Variants in CCDC60 observed in about 807,000 individuals in gnomAD.
CCDC60 encodes coiled-coil domain-containing protein 60.
Under a neutral mutation model 63.5 loss-of-function variants are expected in CCDC60, and 54 were observed. That is an observed-to-expected ratio of 0.85 (90% CI 0.68 to 1.07). The LOEUF (loss-of-function observed/expected upper bound fraction) is 1.07. CCDC60 is among the 50% of genes least tolerant of loss of function. The pLI is 0.00. For synonymous variants in CCDC60, 206 were observed against 238.8 expected, an observed-to-expected ratio of 0.86 and a Z score of 1.27; for missense variants, 651 against 684.3, an observed-to-expected ratio of 0.95 and a Z score of 0.54.
rs147287705 is a variant in CCDC60, at chr12:119,368,844, T to C, written c.90+33578T>C. The stretch of plus-strand genomic sequence containing the variant: ...CACTTAGTCGCCACTTTATCTGTAA[T>C]ACCCCAAATTTAATTGGTGCTAATT... On this transcript the variant is annotated intron_variant, in intron 1 of 13. Coordinates refer to ENST00000327554, the MANE Select transcript of CCDC60 (RefSeq NM_178499.5). Among the ~76,000 whole-genome samples the C allele has an allele frequency of 9.8e-4, 149 of 152,372 alleles. 1 individual carries two copies. The highest frequency in any genetic ancestry group is 3.4e-3 in the African/African-American group (141 of 41,598).
At chr12:119,472,238 TC>T in intron 3 of CCDC60, 74 bp downstream of exon 3, 1 of 1,412,786 alleles carries the variant, frequency 7.1e-7, no homozygotes, top group Non-Finnish European at 9.8e-7. Flanking sequence ...CCTGGTAAGG[TC>T]AAGCGAGGGC....
chr12:119,503,838 G>A (rs1951920432), intron 6 of CCDC60, among the ~76,000 whole-genome samples: 1 of 152,188 alleles, frequency 6.6e-6, no homozygotes, highest in Non-Finnish European at 1.5e-5. Context: ...TTAAATGTTG[G>A]TGTGGTCTTC....
intron 4 of CCDC60, 44 bp from the exon 5 acceptor site, chr12:119,488,715 G>A: frequency 6.4e-7 from 1 of 1,556,268 alleles, no homozygotes; most frequent in Non-Finnish European, 8.9e-7. Context: ...GAAGAAAGTT[G>A]TTCTAACAGG....
At position 119,505,251 on chromosome 12, in the gene CCDC60, T is replaced by G. The variant is rs1173402041; in HGVS notation, c.831T>G (p.Ile277Met). 1.9e-6 allele frequency: 3 copies of G among 1,613,194 alleles called. No homozygotes were observed. The highest frequency in any genetic ancestry group is 2.5e-6 in the Non-Finnish European group (3 of 1,180,026). The change falls in exon 7 of 14, where the codon ATT becomes ATG. Residue 277 changes from isoleucine to methionine, a missense_variant. Transcript: ENST00000327554. ...CCCAGGTGACCAGCAGCAAGGACAT[T>G]GAGGACAATGAGTCATCTTCAACCA... ...VNTQVTSSKD[I>M]EDNESSSTKP...
chr12:119,535,359 A>T (rs1952971601), intron 13 of CCDC60, among the ~76,000 whole-genome samples: 2 of 152,140 alleles, frequency 1.3e-5, no homozygotes, highest in Admixed American at 6.5e-5. Context: ...TCTTTTCAAA[A>T]AACCAGCTCC....
chr12:119,471,018 A>G (rs1951045796), intron 2 of CCDC60, among the ~76,000 whole-genome samples: 1 of 152,222 alleles, frequency 6.6e-6, no homozygotes, highest in African/African-American at 2.4e-5. Context: ...GAATTTGAGA[A>G]CCAACATTTA....
chr12:119,472,542 T>C (rs1951084940), intron 3 of CCDC60, among the ~76,000 whole-genome samples: 2 of 151,834 alleles, frequency 1.3e-5, no homozygotes, highest in African/African-American at 4.8e-5. Context: ...CCTGGCTCAT[T>C]GTCCACAGAA....
chr12:119,489,528 G>A (rs1951535487), intron 5 of CCDC60, among the ~76,000 whole-genome samples: 1 of 152,172 alleles, frequency 6.6e-6, no homozygotes, highest in Non-Finnish European at 1.5e-5. Context: ...TCACATAAAA[G>A]CTTGGACGCC....
chr12:119,459,400 C>A (rs1950813717), intron 2 of CCDC60, among the ~76,000 whole-genome samples: 1 of 152,150 alleles, frequency 6.6e-6, no homozygotes, highest in South Asian at 2.1e-4. Flanking sequence ...GAAATTTGAC[C>A]TAACTGATTC....
At chr12:119,427,158 G>A (rs948067230) in intron 1 of CCDC60, among the ~76,000 whole-genome samples, 4 of 152,024 alleles carry the variant, frequency 2.6e-5, no homozygotes, top group Non-Finnish European at 4.4e-5. Context: ...TTATTGCAAA[G>A]TTATAGGAAA....
chr12:119,539,315 G>A (rs1430752061), intron 13 of CCDC60, among the ~76,000 whole-genome samples: 1 of 152,226 alleles, frequency 6.6e-6, no homozygotes, highest in African/African-American at 2.4e-5. Flanking sequence ...CAGGTGCTCT[G>A]TCCCAGGGAG....
chr12:119,335,669 G>A (rs1318796312), intron 1 of CCDC60, among the ~76,000 whole-genome samples: 1 of 151,882 alleles, frequency 6.6e-6, no homozygotes, highest in Non-Finnish European at 1.5e-5. Flanking sequence ...TTGTAAATTT[G>A]TTTAAGTTCA....
chr12:119,396,070 T>C (rs1023598891), intron 1 of CCDC60, among the ~76,000 whole-genome samples: 2 of 152,102 alleles, frequency 1.3e-5, no homozygotes, highest in Admixed American at 6.5e-5. Flanking sequence ...CCCAAGTAGC[T>C]GGGATTACAG....
At chr12:119,507,599 TA>T (rs1448595347) in intron 7 of CCDC60, among the ~76,000 whole-genome samples, 252 of 22,914 alleles carry the variant, frequency 0.011, 26 homozygotes, top group East Asian at 0.068. Context: ...TACATATATA[TA>T]TATATATATA....
At chr12:119,512,077 G>A (rs1952228084) in intron 7 of CCDC60, among the ~76,000 whole-genome samples, 2 of 152,166 alleles carry the variant, frequency 1.3e-5, no homozygotes, top group African/African-American at 2.4e-5. Flanking sequence ...CACTAAGGAA[G>A]GCATTCTTTC....
chr12:119,479,225 A>T (rs530393879), intron 4 of CCDC60, 24 bp downstream of exon 4: 2 of 1,537,058 alleles, frequency 1.3e-6, no homozygotes, highest in Admixed American at 3.4e-5. Context: ...CCTCCAGCTC[A>T]TTTGCTTTGC....
chr12:119,339,922 C>T (rs1047971114), intron 1 of CCDC60, among the ~76,000 whole-genome samples: 1 of 152,158 alleles, frequency 6.6e-6, no homozygotes, highest in Non-Finnish European at 1.5e-5. Flanking sequence ...AGAGTAGATT[C>T]TTCGGCAAAC....
rs34807849 is a variant in CCDC60 at position 119,530,267 on chromosome 12, G to GTT, written c.1362-595_1362-594dup. ...CACATATATAGCAAGGGGTGAGGGA[G>GTT]TTTTTTTTTTTTTAAGAGATCTACC... On this transcript the variant is annotated intron_variant, in intron 12 of 13. Transcript: ENST00000327554. Among the ~76,000 whole-genome samples, 840 of 144,582 alleles carry GTT rather than the reference G, an allele frequency of 5.8e-3. 9 individuals are homozygous for GTT. Among genetic ancestry groups the GTT allele is most frequent in the African/African-American group, 0.017 (692 of 39,584 alleles). The allele number at this position is 144,582 out of a possible 152,430, so 94.9% of individuals were successfully genotyped here.
intron 3 of CCDC60, among the ~76,000 whole-genome samples, chr12:119,476,252 G>A (rs1012445608): frequency 1.2e-4 from 18 of 151,798 alleles, no homozygotes; most frequent in Admixed American, 1.1e-3. Flanking sequence ...TGAAAAGGTG[G>A]AAAAAAAAGT....
Sources: gnomAD v4.1 joint callset for allele counts (sites outside exome capture counted in the v4.1 genomes callset) on GRCh38, gnomAD v4.1.1 for gene constraint, MANE v1.5 for transcripts, NCBI Gene and HGNC (gene_info 2026-07-23, HGNC 2026-07-21) for gene names.